The following COL19A1 variants were observed in gnomAD, a reference collection of about 807,000 sequenced individuals.
The protein encoded by COL19A1 is collagen alpha-1(XIX) chain.
A neutral mutation model predicts 190.2 loss-of-function variants in COL19A1; 159 were observed. The observed-to-expected ratio is 0.84, with a 90% CI of 0.73 to 0.95. The LOEUF is 0.95. Among genes scored for constraint, COL19A1 ranks in the 40% least tolerant of loss-of-function variants. The pLI, the probability that COL19A1 is intolerant of heterozygous loss-of-function variation, is 0.00. For missense variants in COL19A1, 1,418 were observed against 1,431.9 expected, an observed-to-expected ratio of 0.99 and a Z score of 0.16; for synonymous variants, 509 against 458.9, an observed-to-expected ratio of 1.11 and a Z score of -1.39.
chr6:70,059,948 G>A (rs1364681608), intron 14 of COL19A1, among the ~76,000 whole-genome samples: 1 of 152,148 alleles, frequency 6.6e-6, no homozygotes, highest in Non-Finnish European at 1.5e-5. Flanking sequence ...CACAGGCTAT[G>A]CAAATGTGTG....
intron 2 of COL19A1, among the ~76,000 whole-genome samples, chr6:69,895,535 G>A (rs1769667893): frequency 6.6e-6 from 1 of 152,180 alleles, no homozygotes; most frequent in Non-Finnish European, 1.5e-5. Flanking sequence ...CAGAAACAGG[G>A]ACTCTGTCTA....
intron 4 of COL19A1, among the ~76,000 whole-genome samples, chr6:69,921,648 AGATTCGTATATATTCGTATG>A (rs1771952159): frequency 1.5e-5 from 2 of 135,932 alleles, no homozygotes; most frequent in East Asian, 4.2e-4. Flanking sequence ...ATTCGTATAT[AGATTCGTATATATTCGTATG>A]TAGATTCGTA....
Position 69,955,727 on chromosome 6 carries a change from A to G in COL19A1, c.937-4269A>G, listed in dbSNP as rs140239540. On this transcript the variant is annotated intron_variant, in intron 9 of 50. Coordinates refer to ENST00000620364, the MANE Select transcript of COL19A1 (RefSeq NM_001858.6). ...GGGACCATAGTATTAAGAGACTCCA[A>G]ACTATCATTTGAAAAATGAGTGGTT... Among the ~76,000 whole-genome samples, 613 of 152,096 alleles carry G rather than the reference A, an allele frequency of 4.0e-3. 2 individuals are homozygous for G. The highest frequency in any genetic ancestry group is 0.014 in the Middle Eastern group (4 of 294).
chr6:69,946,934 AC>A (rs1364730550), intron 9 of COL19A1, among the ~76,000 whole-genome samples: 3 of 151,904 alleles, frequency 2.0e-5, no homozygotes, highest in African/African-American at 7.2e-5. Context: ...ATAAAGTTTT[AC>A]TGGAACACAG....
At chr6:69,954,416 C>A (rs1015552525) in intron 9 of COL19A1, among the ~76,000 whole-genome samples, 17 of 151,908 alleles carry the variant, frequency 1.1e-4, no homozygotes, top group Non-Finnish European at 1.9e-4. Flanking sequence ...AGCCCCAAGC[C>A]AGAAATAGAG....
At chr6:69,868,692 G>A (rs1767633611) in intron 1 of COL19A1, among the ~76,000 whole-genome samples, 1 of 152,136 alleles carries the variant, frequency 6.6e-6, no homozygotes, top group African/African-American at 2.4e-5. Flanking sequence ...CCACAATTGG[G>A]ACATCATCTC....
At chr6:69,962,439 G>C (rs1324447508) in intron 10 of COL19A1, among the ~76,000 whole-genome samples, 1 of 152,178 alleles carries the variant, frequency 6.6e-6, no homozygotes, top group Non-Finnish European at 1.5e-5. Context: ...TGTTTCCACT[G>C]AATCTAGTAA....
intron 4 of COL19A1, among the ~76,000 whole-genome samples, chr6:69,901,723 A>G (rs1770202925): frequency 6.6e-6 from 1 of 152,234 alleles, no homozygotes; most frequent in South Asian, 2.1e-4. Context: ...TAATTAATAA[A>G]TTTAAGAAAG....
At chr6:70,137,199 A>G (rs1785923765) in intron 18 of COL19A1, among the ~76,000 whole-genome samples, 1 of 152,172 alleles carries the variant, frequency 6.6e-6, no homozygotes, top group Non-Finnish European at 1.5e-5. Context: ...TCTAAGTAGC[A>G]TTATAAACCC....
intron 4 of COL19A1, among the ~76,000 whole-genome samples, chr6:69,911,208 C>T (rs145387423): frequency 6.6e-6 from 1 of 152,146 alleles, no homozygotes; most frequent in African/African-American, 2.4e-5. Context: ...ATTGTGCCAA[C>T]TGATAAATCA....
At chr6:69,948,403 A>G (rs1489907641) in intron 9 of COL19A1, among the ~76,000 whole-genome samples, 2 of 151,828 alleles carry the variant, frequency 1.3e-5, no homozygotes, top group Non-Finnish European at 2.9e-5. Context: ...CTCCAAAATG[A>G]CAGCCCTTGG....
At chr6:69,875,505 C>T (rs964822561) in intron 1 of COL19A1, among the ~76,000 whole-genome samples, 3 of 152,036 alleles carry the variant, frequency 2.0e-5, no homozygotes, top group African/African-American at 7.3e-5. Context: ...GGGGTCTAGA[C>T]CAGGGTGATC....
intron 13 of COL19A1, among the ~76,000 whole-genome samples, chr6:70,034,789 G>A (rs968311292): frequency 6.6e-6 from 1 of 152,192 alleles, no homozygotes; most frequent in Non-Finnish European, 1.5e-5. Context: ...AAAAGCAAGG[G>A]TTGTTTTGAA....
Position 70,130,931 on chromosome 6 carries a change from G to A in COL19A1, c.1383+708G>A, listed in dbSNP as rs577138298. On this transcript the variant is annotated intron_variant, in intron 18 of 50. Coordinates refer to ENST00000620364, the MANE Select transcript of COL19A1 (RefSeq NM_001858.6). ...TAATTACCAAAACATAAGCTGCCCT[G>A]GCAGCCATTTTTGGTGGGGTTTTAT... 11 of 216,160 alleles carry A rather than the reference G, an allele frequency of 5.1e-5. No individual in the cohort carries two copies. In the East Asian group the frequency reaches 7.8e-4, roughly 15 times the overall value. 13.4% of individuals were successfully genotyped at this position (216,160 alleles called of 1,614,324 possible). A position where few individuals can be genotyped will look rare whatever the true frequency, so the allele number is the denominator to read the frequency against.
intron 18 of COL19A1, chr6:70,130,964 A>G (rs1785486197): frequency 2.4e-6 from 1 of 417,484 alleles, no homozygotes. Flanking sequence ...TATACTGTCC[A>G]GTAGTGGTTT....
intron 48 of COL19A1, among the ~76,000 whole-genome samples, chr6:70,194,293 T>C (rs1767061689): frequency 6.6e-6 from 1 of 152,210 alleles, no homozygotes; most frequent in Non-Finnish European, 1.5e-5. Flanking sequence ...TCTCCTCTTG[T>C]GGCTTTTTAA....
intron 11 of COL19A1, among the ~76,000 whole-genome samples, chr6:69,969,837 C>G (rs1359260097): frequency 1.3e-5 from 2 of 152,114 alleles, no homozygotes; most frequent in Admixed American, 6.5e-5. Flanking sequence ...GCTAGTTTGG[C>G]CTCTGCTAGA....
In COL19A1 at chr6:69,918,452, T is replaced by C. The variant is rs553457805; in HGVS notation, c.267-9457T>C. On this transcript the variant is annotated intron_variant, in intron 4 of 50. Coordinates refer to ENST00000620364, the MANE Select transcript of COL19A1 (RefSeq NM_001858.6). ...TGGCTCATGCCTGTAATCCCAGAAC[T>C]TGGGGAGGCCAATGCAGATGTATCG... Among the ~76,000 whole-genome samples, 5 of 152,242 alleles carry C rather than the reference T, an allele frequency of 3.3e-5. No homozygotes were observed. In the South Asian group the frequency reaches 1.0e-3, roughly 32 times the overall value.
At chr6:70,058,832 A>G (rs893544122) in intron 14 of COL19A1, among the ~76,000 whole-genome samples, 8 of 152,008 alleles carry the variant, frequency 5.3e-5, no homozygotes, top group Non-Finnish European at 1.2e-4. Context: ...TTAAAATTAA[A>G]AAAAAGAAAA....
Sources: gnomAD v4.1 joint callset for allele counts (sites outside exome capture counted in the v4.1 genomes callset) on GRCh38, gnomAD v4.1.1 for gene constraint, MANE v1.5 for transcripts, NCBI Gene and HGNC (gene_info 2026-07-23, HGNC 2026-07-21) for gene names.